The following RALGPS1 variants were observed in gnomAD, a reference collection of about 807,000 sequenced individuals.
The protein encoded by RALGPS1 is Ral GEF with PH domain and SH3 binding motif 1.
RALGPS1 carries 19 observed loss-of-function variants against 78.8 expected under a neutral mutation model. The observed-to-expected ratio is 0.24, with a 90% CI of 0.17 to 0.35. RALGPS1 has a LOEUF of 0.35. Ranked by LOEUF, RALGPS1 falls within the 10% of genes least tolerant of loss-of-function variation. RALGPS1 has a pLI of 1.00. For synonymous variants in RALGPS1, 228 were observed against 256.3 expected (o/e 0.89, Z 1.06); for missense variants, 454 against 688.3 (o/e 0.66, Z 3.81).
chr9:127,038,046 G>A (rs1163358925), intron 5 of RALGPS1, among the ~76,000 whole-genome samples: 1 of 152,172 alleles, frequency 6.6e-6, no homozygotes, highest in Non-Finnish European at 1.5e-5. Context: ...CTTTTCTCTT[G>A]TACTCTTCCA....
At chr9:127,169,476 CTCTG>C (rs990295874) in intron 10 of RALGPS1, among the ~76,000 whole-genome samples, 2 of 152,120 alleles carry the variant, frequency 1.3e-5, no homozygotes, top group Non-Finnish European at 2.9e-5. Flanking sequence ...TTCGTGTTAA[CTCTG>C]TCTGCCATAC....
intron 11 of RALGPS1, chr9:127,184,214 C>T: frequency 1.5e-6 from 1 of 649,332 alleles, no homozygotes; most frequent in Non-Finnish European, 2.6e-6. Context: ...AGCCCCAGCT[C>T]CTCAGGGCTT....
At chr9:126,952,654 A>AGAGT (rs58186926) in intron 1 of RALGPS1, among the ~76,000 whole-genome samples, 1 of 138,004 alleles carries the variant, frequency 7.2e-6, no homozygotes, top group African/African-American at 2.6e-5. Flanking sequence ...AGAGAGAGAG[A>AGAGT]GAGTGTGTGT....
intron 12 of RALGPS1, 72 bp from the exon 13 acceptor site, chr9:127,196,402 C>A: frequency 6.5e-7 from 1 of 1,528,188 alleles, no homozygotes; most frequent in Non-Finnish European, 8.9e-7. Context: ...CTGCTCCGGC[C>A]CCAGGCAGGT....
chr9:127,038,340 C>G (rs1290540026), intron 5 of RALGPS1, among the ~76,000 whole-genome samples: 2 of 152,244 alleles, frequency 1.3e-5, no homozygotes, highest in Non-Finnish European at 2.9e-5. Context: ...AACTGAGGCT[C>G]TGCAAAGTGA....
chr9:126,929,026 A>G (rs1200553752), intron 1 of RALGPS1, among the ~76,000 whole-genome samples: 1 of 152,150 alleles, frequency 6.6e-6, no homozygotes, highest in Non-Finnish European at 1.5e-5. Context: ...GCATATTTCT[A>G]TGGATAAGGT....
At chr9:127,076,487 G>A (rs1437383396) in intron 8 of RALGPS1, among the ~76,000 whole-genome samples, 1 of 152,160 alleles carries the variant, frequency 6.6e-6, no homozygotes, top group African/African-American at 2.4e-5. Flanking sequence ...TTTCTAGAAC[G>A]TAAGTTATTC....
chr9:126,948,562 C>T (rs1335055634), intron 1 of RALGPS1, among the ~76,000 whole-genome samples: 1 of 151,784 alleles, frequency 6.6e-6, no homozygotes, highest in Non-Finnish European at 1.5e-5. Flanking sequence ...AGAAAGTCCT[C>T]ATCCTTGAAA....
intron 8 of RALGPS1, among the ~76,000 whole-genome samples, chr9:127,101,056 CA>C (rs2053672005): frequency 6.6e-6 from 1 of 152,244 alleles, no homozygotes; most frequent in South Asian, 2.1e-4. Flanking sequence ...GAGAGCACCA[CA>C]AGGCCCTTAC....
intron 11 of RALGPS1, among the ~76,000 whole-genome samples, chr9:127,188,080 T>TA (rs2060774473): frequency 8.4e-6 from 1 of 118,700 alleles, no homozygotes; most frequent in East Asian, 2.4e-4. Flanking sequence ...TTTTTTTTTT[T>TA]AGACGGAGTC....
chr9:127,198,973 C>A, intron 13 of RALGPS1, 42 bp from the exon 14 acceptor site: 1 of 1,590,522 alleles, frequency 6.3e-7, no homozygotes, highest in Non-Finnish European at 8.6e-7. Context: ...GGCCCCTCTT[C>A]TGTGAAGCCG....
chr9:126,916,245 A>C (rs909133541), intron 1 of RALGPS1, among the ~76,000 whole-genome samples: 8 of 152,248 alleles, frequency 5.3e-5, no homozygotes, highest in African/African-American at 1.7e-4. Flanking sequence ...GTTTGGGATG[A>C]GGTTTTGTTG....
chr9:126,940,456 T>TTTGAGATGGGGTC (rs2036662447), intron 1 of RALGPS1, among the ~76,000 whole-genome samples: 1 of 150,548 alleles, frequency 6.6e-6, no homozygotes, highest in Non-Finnish European at 1.5e-5. Flanking sequence ...TTTTTTTTTT[T>TTTGAGATGGGGTC]TGAGATGGAG....
intron 4 of RALGPS1, among the ~76,000 whole-genome samples, chr9:126,999,950 AT>A (rs2043136951): frequency 6.6e-6 from 1 of 152,162 alleles, no homozygotes; most frequent in Non-Finnish European, 1.5e-5. Flanking sequence ...TGTGTTTTTC[AT>A]TGAGCCTGTG....
intron 8 of RALGPS1, among the ~76,000 whole-genome samples, chr9:127,157,007 C>T (rs1034878568): frequency 1.3e-5 from 2 of 151,990 alleles, no homozygotes; most frequent in Non-Finnish European, 1.5e-5. Flanking sequence ...TTGAAATATA[C>T]CTGCATCGTA....
intron 7 of RALGPS1, among the ~76,000 whole-genome samples, chr9:127,055,685 G>A (rs546438541): frequency 6.6e-6 from 1 of 152,166 alleles, no homozygotes; most frequent in Non-Finnish European, 1.5e-5. Flanking sequence ...TAAGCAGCCT[G>A]GCTCCAGAAT....
At chr9:126,920,596 G>T (rs2034651880) in intron 1 of RALGPS1, among the ~76,000 whole-genome samples, 1 of 152,190 alleles carries the variant, frequency 6.6e-6, no homozygotes, top group Non-Finnish European at 1.5e-5. Flanking sequence ...TTAACTCGGG[G>T]GAAGAGTTGG....
chr9:127,115,133 G>A (rs1353106161), intron 8 of RALGPS1, among the ~76,000 whole-genome samples: 2 of 152,126 alleles, frequency 1.3e-5, no homozygotes, highest in African/African-American at 4.8e-5. Flanking sequence ...TATGAGTAGG[G>A]GACCATACAT....
intron 1 of RALGPS1, among the ~76,000 whole-genome samples, chr9:126,946,361 C>T (rs543162964): frequency 2.6e-5 from 4 of 152,106 alleles, no homozygotes; most frequent in African/African-American, 9.6e-5. Flanking sequence ...TGGCGAAACC[C>T]CGTCTCTACT....
Sources: gnomAD v4.1 joint callset for allele counts (sites outside exome capture counted in the v4.1 genomes callset) on GRCh38, gnomAD v4.1.1 for gene constraint, MANE v1.5 for transcripts, NCBI Gene and HGNC (gene_info 2026-07-23, HGNC 2026-07-21) for gene names.